Variants in RASEF observed in about 807,000 individuals in gnomAD.
The protein encoded by RASEF is ras and EF-hand domain-containing protein.
Under a neutral mutation model 90.1 loss-of-function variants are expected in RASEF, and 68 were observed. The observed-to-expected ratio is 0.75, with a 90% CI of 0.62 to 0.92. The LOEUF is 0.92. Among genes scored for constraint, RASEF ranks in the 40% least tolerant of loss-of-function variants. The pLI is 0.00. For missense variants in RASEF, 949 were observed against 937.2 expected (o/e 1.01, Z -0.16); for synonymous variants, 331 against 345.2 (o/e 0.96, Z 0.46).
At chr9:83,138,771 G>A in the RASEF span, among the ~76,000 whole-genome samples, 1 of 152,114 alleles carries the variant, frequency 6.6e-6, no homozygotes, top group African/African-American at 2.4e-5. Context: ...TTTTTAAGAT[G>A]TCACCTGCTA....
At chr9:83,148,291 A>T in the RASEF span, among the ~76,000 whole-genome samples, 1 of 152,134 alleles carries the variant, frequency 6.6e-6, no homozygotes, top group Non-Finnish European at 1.5e-5. Context: ...GATCCCCCAA[A>T]TTCATATTTT....
chr9:83,114,005 T>C, the RASEF span, among the ~76,000 whole-genome samples: 105 of 152,228 alleles, frequency 6.9e-4, no homozygotes, highest in African/African-American at 2.5e-3. Context: ...TACCAATACA[T>C]GACATCACCC....
chr9:83,078,038 CAA>C, the RASEF span, among the ~76,000 whole-genome samples: 1 of 152,146 alleles, frequency 6.6e-6, no homozygotes, highest in Non-Finnish European at 1.5e-5. Context: ...CACTAGTTCT[CAA>C]AGGATAGTTC....
the RASEF span, among the ~76,000 whole-genome samples, chr9:83,194,794 G>A: frequency 3.3e-4 from 50 of 152,228 alleles, no homozygotes; most frequent in South Asian, 9.5e-3. Context: ...TTATTTTGCT[G>A]CTCAAATTGC....
At chr9:83,179,398 T>C in the RASEF span, among the ~76,000 whole-genome samples, 5 of 152,170 alleles carry the variant, frequency 3.3e-5, no homozygotes, top group African/African-American at 1.2e-4. Context: ...GTACATTTTA[T>C]GGTTCAAGCA....
chr9:83,198,204 T>C, the RASEF span, among the ~76,000 whole-genome samples: 1 of 152,252 alleles, frequency 6.6e-6, no homozygotes, highest in Admixed American at 6.5e-5. Context: ...CCCCAAAACA[T>C]ATAATTTAGA....
the RASEF span, among the ~76,000 whole-genome samples, chr9:83,164,972 G>T: frequency 2.0e-5 from 3 of 151,954 alleles, no homozygotes; most frequent in African/African-American, 7.2e-5. Context: ...TAATGTATAT[G>T]TGCCTAACAT....
the RASEF span, among the ~76,000 whole-genome samples, chr9:83,136,416 T>C: frequency 6.6e-6 from 1 of 152,166 alleles, no homozygotes; most frequent in African/African-American, 2.4e-5. Flanking sequence ...AAATGTTAAA[T>C]ATTTATACCA....
At chr9:83,099,122 C>T in the RASEF span, among the ~76,000 whole-genome samples, 1 of 152,116 alleles carries the variant, frequency 6.6e-6, no homozygotes, top group East Asian at 1.9e-4. Flanking sequence ...TATGTTCTAT[C>T]TATCCATATA....
At chr9:83,031,478 C>G (rs1359517873) in intron 1 of RASEF, among the ~76,000 whole-genome samples, 2 of 152,140 alleles carry the variant, frequency 1.3e-5, no homozygotes, top group Admixed American at 1.3e-4. Context: ...GATGTTATCA[C>G]TAGTATCCTA....
At chr9:83,143,478 C>T in the RASEF span, among the ~76,000 whole-genome samples, 7 of 152,174 alleles carry the variant, frequency 4.6e-5, no homozygotes, top group East Asian at 5.8e-4. Flanking sequence ...AAAAAATGCT[C>T]GTCATCACTA....
intron 1 of RASEF, among the ~76,000 whole-genome samples, chr9:83,038,144 T>C (rs1456531621): frequency 6.6e-6 from 1 of 152,094 alleles, no homozygotes; most frequent in Non-Finnish European, 1.5e-5. Flanking sequence ...CGAACACAAC[T>C]TGGTAAGTCT....
the RASEF span, among the ~76,000 whole-genome samples, chr9:83,198,148 T>C: frequency 6.6e-6 from 1 of 152,098 alleles, no homozygotes; most frequent in Admixed American, 6.5e-5. Context: ...TTAATACAGA[T>C]CTACAATATC....
the RASEF span, among the ~76,000 whole-genome samples, chr9:83,106,041 TAA>T: frequency 6.6e-6 from 1 of 152,144 alleles, no homozygotes; most frequent in African/African-American, 2.4e-5. Flanking sequence ...ACCCAAAATA[TAA>T]GTCTCTGGCC....
At chr9:83,189,166 G>A in the RASEF span, among the ~76,000 whole-genome samples, 1 of 152,156 alleles carries the variant, frequency 6.6e-6, no homozygotes, top group Non-Finnish European at 1.5e-5. Context: ...TGAATCATGG[G>A]GGCAGTTACC....
At chr9:83,182,746 G>C in the RASEF span, among the ~76,000 whole-genome samples, 2 of 152,032 alleles carry the variant, frequency 1.3e-5, no homozygotes, top group Non-Finnish European at 2.9e-5. Flanking sequence ...ATATGTGCAA[G>C]TATTTGGGTG....
intron 1 of RASEF, among the ~76,000 whole-genome samples, chr9:83,041,766 GTT>G (rs1211874736): frequency 2.0e-5 from 3 of 152,104 alleles, no homozygotes; most frequent in African/African-American, 7.2e-5. Context: ...TCTGAAGTGT[GTT>G]TTTAAAAAAA....
chr9:83,088,036 C>A, the RASEF span, among the ~76,000 whole-genome samples: 1 of 151,980 alleles, frequency 6.6e-6, no homozygotes, highest in Non-Finnish European at 1.5e-5. Context: ...ATTTAATTTC[C>A]ACATATTTGT....
chr9:83,147,770 C>T, the RASEF span, among the ~76,000 whole-genome samples: 8 of 152,020 alleles, frequency 5.3e-5, no homozygotes, highest in Admixed American at 6.6e-5. Flanking sequence ...ACGGTTAATT[C>T]AGGAGGTTTT....
Sources: allele counts gnomAD v4.1 joint callset (sites outside exome capture counted in the v4.1 genomes callset), GRCh38; gene constraint gnomAD v4.1.1; transcripts MANE v1.5; gene names NCBI Gene and HGNC (gene_info 2026-07-23, HGNC 2026-07-21).